The following LITAF variants were observed in gnomAD, a reference collection of about 807,000 sequenced individuals.
LITAF encodes the protein lipopolysaccharide induced TNF factor.
In LITAF, 9 loss-of-function variants were observed where a neutral mutation model predicts 14.5. That is an observed-to-expected ratio of 0.62 (90% CI 0.37 to 1.08). LITAF has a LOEUF of 1.08. LITAF is among the 50% of genes least tolerant of loss of function. The pLI is 0.01. For synonymous variants in LITAF, 98 were observed against 88.2 expected, an observed-to-expected ratio of 1.11 and a Z score of -0.62; for missense variants, 206 against 213.4, an observed-to-expected ratio of 0.97 and a Z score of 0.22.
intron 1 of LITAF, among the ~76,000 whole-genome samples, chr16:11,578,162 C>A (rs2868423): frequency 6.6e-6 from 1 of 152,042 alleles, no homozygotes; most frequent in African/African-American, 2.4e-5. Flanking sequence ...GCCTCCAAAA[C>A]TGCTGGGATT....
At chr16:11,595,968 C>T (rs1182444689) in intron 1 of LITAF, among the ~76,000 whole-genome samples, 8 of 152,040 alleles carry the variant, frequency 5.3e-5, no homozygotes, top group Admixed American at 4.6e-4. Flanking sequence ...TAGTGCTCCC[C>T]GTGAGATCTG....
intron 3 of LITAF, among the ~76,000 whole-genome samples, chr16:11,552,604 T>G (rs946464789): frequency 6.6e-5 from 10 of 152,182 alleles, no homozygotes; most frequent in Non-Finnish European, 2.9e-5. Flanking sequence ...AGCTTGTCCC[T>G]ACATGCAGGG....
chr16:11,561,014 G>T (rs967349469), intron 1 of LITAF: 3 of 152,246 alleles, frequency 2.0e-5, no homozygotes, highest in Non-Finnish European at 2.9e-5. Context: ...GAAACTTCCA[G>T]CAAAGGGAAC....
intron 3 of LITAF, among the ~76,000 whole-genome samples, chr16:11,608,013 C>T (rs951516276): frequency 1.3e-5 from 2 of 152,220 alleles, no homozygotes; most frequent in African/African-American, 4.8e-5. Flanking sequence ...TAAACCCCCT[C>T]AGGCATGAAG....
upstream of LITAF, chr16:11,598,501 G>C (rs2064906642): frequency 6.6e-6 from 1 of 152,088 alleles, no homozygotes; most frequent in Non-Finnish European, 1.5e-5. Context: ...TTCTTTTCCT[G>C]AGGCCAGAAG....
chr16:11,549,339 C>G lies in LITAF; in HGVS notation c.*298G>C, dbSNP rs752104689. 5 of 474,520 alleles carry G rather than the reference C, an allele frequency of 1.1e-5. No homozygotes were observed. Among genetic ancestry groups the G allele is most frequent in the Non-Finnish European group, 2.1e-5 (5 of 239,144 alleles). 29.4% of individuals were successfully genotyped at this position (474,520 alleles called of 1,614,324 possible). A position where few individuals can be genotyped will look rare whatever the true frequency, so the allele number is the denominator to read the frequency against. On this transcript the variant is annotated 3_prime_UTR_variant, in exon 4 of 4. Transcript: ENST00000622633. The surrounding 1 kb of genome is among the most constrained non-coding windows in gnomAD (Gnocchi z 4.6). ...TGATGGCAGATCACAGGAAGATATT[C>G]GGATAGGGCAATGATCACAGTTAGA...
intron 1 of LITAF, among the ~76,000 whole-genome samples, chr16:11,559,861 G>T (rs1426069068): frequency 2.6e-5 from 4 of 151,282 alleles, no homozygotes; most frequent in African/African-American, 9.7e-5. Context: ...CAGACATGGT[G>T]GTGCACCCCT....
At chr16:11,638,857 T>C (rs1002071031), upstream of LITAF, among the ~76,000 whole-genome samples, 3 of 151,902 alleles carry the variant, frequency 2.0e-5, no homozygotes, top group African/African-American at 7.3e-5. Flanking sequence ...ATTTTAGATA[T>C]ACATAGCTGG....
At chr16:11,565,109 T>A (rs1317187667) in intron 1 of LITAF, among the ~76,000 whole-genome samples, 1 of 147,322 alleles carries the variant, frequency 6.8e-6, no homozygotes, top group Non-Finnish European at 1.5e-5. Context: ...TTGAGACAGA[T>A]TCTCGCTCCG....
intron 3 of LITAF, among the ~76,000 whole-genome samples, chr16:11,612,572 C>T (rs1320885641): frequency 6.6e-6 from 1 of 152,236 alleles, no homozygotes; most frequent in Admixed American, 6.5e-5. Flanking sequence ...GCCGGCCCAG[C>T]TCAGGACGCT....
At chr16:11,587,270 T>C (rs1597361488), upstream of LITAF, 6 of 364,620 alleles carry the variant, frequency 1.6e-5, no homozygotes, top group East Asian at 7.9e-5. Context: ...GATTTGCCGC[T>C]CGCGGCTCTC....
chr16:11,596,989 G>T (rs991931773), intron 1 of LITAF, among the ~76,000 whole-genome samples: 3 of 152,118 alleles, frequency 2.0e-5, no homozygotes, highest in Non-Finnish European at 4.4e-5. Context: ...GCCCAGACAG[G>T]TAAAGTAACA....
chr16:11,601,840 G>C (rs922434810), upstream of LITAF, among the ~76,000 whole-genome samples: 7 of 152,192 alleles, frequency 4.6e-5, no homozygotes, highest in Admixed American at 2.0e-4. Flanking sequence ...GATTACAGAT[G>C]TGAGCCACCC....
chr16:11,637,546 G>A (rs549936303), upstream of LITAF, among the ~76,000 whole-genome samples: 13 of 152,306 alleles, frequency 8.5e-5, no homozygotes, highest in African/African-American at 3.1e-4. Context: ...ATCCACCAAG[G>A]ACTCAGCACA....
At chr16:11,571,990 G>A (rs1377803072) in intron 1 of LITAF, among the ~76,000 whole-genome samples, 2 of 152,052 alleles carry the variant, frequency 1.3e-5, no homozygotes, top group African/African-American at 4.8e-5. Flanking sequence ...TCACAGGGCT[G>A]AGGTGGGAGA....
chr16:11,631,365 G>A (rs533946916), intron 3 of LITAF, among the ~76,000 whole-genome samples: 8 of 152,216 alleles, frequency 5.3e-5, no homozygotes, highest in Admixed American at 2.0e-4. Context: ...CAGGCATCCC[G>A]GGGCTGGGGG....
chr16:11,636,507 AG>A (rs2065138957), upstream of LITAF: 1 of 152,368 alleles, frequency 6.6e-6, no homozygotes, highest in African/African-American at 2.4e-5. Flanking sequence ...GGTTAGGACT[AG>A]GTGTACCTTT....
At chr16:11,574,609 C>T (rs887151763) in intron 1 of LITAF, among the ~76,000 whole-genome samples, 30 of 152,120 alleles carry the variant, frequency 2.0e-4, no homozygotes, top group Admixed American at 5.2e-4. Context: ...GGGTCCTTCC[C>T]GCCTCTGGGT....
intron 3 of LITAF, chr16:11,551,913 C>A: frequency 2.4e-6 from 1 of 411,050 alleles, no homozygotes; most frequent in East Asian, 3.8e-5. Context: ...TATCCAGAGG[C>A]AATGGACTTT....
Sources: allele counts gnomAD v4.1 joint callset (sites outside exome capture counted in the v4.1 genomes callset), GRCh38; gene constraint gnomAD v4.1.1; non-coding constraint Gnocchi (gnomAD v3.1); transcripts MANE v1.5; gene names NCBI Gene and HGNC (gene_info 2026-07-23, HGNC 2026-07-21).